Variants in RBMS3 observed in about 807,000 individuals in gnomAD.
The protein encoded by RBMS3 is RNA binding motif single stranded interacting protein 3.
A neutral mutation model predicts 66.8 loss-of-function variants in RBMS3; 27 were observed. The ratio of observed to expected loss-of-function variants is 0.40; its 90% confidence interval spans 0.30 to 0.56. The LOEUF is 0.56. RBMS3 is among the 20% of genes least tolerant of loss of function. The probability of loss-of-function intolerance (pLI) is 0.40; values close to 1 mark genes in which losing one functional copy is unlikely to be tolerated. For synonymous variants in RBMS3, 188 were observed against 183.0 expected, an observed-to-expected ratio of 1.03 and a Z score of -0.22; for missense variants, 513 against 549.5, an observed-to-expected ratio of 0.93 and a Z score of 0.66.
chr3:29,340,310 A>T (rs1381918833), intron 1 of RBMS3, among the ~76,000 whole-genome samples: 1 of 152,146 alleles, frequency 6.6e-6, no homozygotes, highest in Non-Finnish European at 1.5e-5. Flanking sequence ...TTTCATGCCC[A>T]TGAAGCTGGC....
At chr3:29,832,472 G>T (rs991516855) in intron 6 of RBMS3, among the ~76,000 whole-genome samples, 3 of 149,490 alleles carry the variant, frequency 2.0e-5, no homozygotes, top group Non-Finnish European at 4.5e-5. Context: ...GGAGCAAAAG[G>T]TATCCAAGGA....
rs538437699 is a variant in RBMS3, at chr3:29,498,925, T to C, written c.307+10426T>C. ...TTAGCTTCGTTAATAGCAAAAAGTATAAGTACTTAAAGGATGTCTTAAAGG... is the reference window on the plus strand; with the variant it reads ...TTAGCTTCGTTAATAGCAAAAAGTACAAGTACTTAAAGGATGTCTTAAAGG... On this transcript the variant is annotated intron_variant, in intron 3 of 14. Coordinates refer to ENST00000383767, the MANE Select transcript of RBMS3 (RefSeq NM_001003793.3). Among the ~76,000 whole-genome samples the C allele has an allele frequency of 1.1e-4, 17 of 152,322 alleles. No homozygotes were observed. The South Asian group carries it at 3.5e-3, about 32-fold the overall frequency.
chr3:29,798,345 GGAGGA>G (rs1433771305), intron 6 of RBMS3, among the ~76,000 whole-genome samples: 1 of 94,322 alleles, frequency 1.1e-5, no homozygotes, highest in African/African-American at 4.1e-5. Flanking sequence ...GGAGGGGAGG[GGAGGA>G]GAGGGGAGGG....
intron 4 of RBMS3, among the ~76,000 whole-genome samples, chr3:29,597,954 G>A: frequency 6.6e-6 from 1 of 152,048 alleles, no homozygotes; most frequent in Non-Finnish European, 1.5e-5. Flanking sequence ...GTTGCTTGAT[G>A]AGACCAGCAC....
intron 6 of RBMS3, among the ~76,000 whole-genome samples, chr3:29,833,088 G>T (rs1362256171): frequency 6.6e-6 from 1 of 152,138 alleles, no homozygotes; most frequent in African/African-American, 2.4e-5. Context: ...CTCCCTAAGA[G>T]GGAACAAGTG....
intron 6 of RBMS3, among the ~76,000 whole-genome samples, chr3:29,858,413 G>A (rs896535642): frequency 6.6e-6 from 1 of 152,204 alleles, no homozygotes; most frequent in African/African-American, 2.4e-5. Flanking sequence ...GGCAGGATCA[G>A]AAACAGTTCA....
intron 4 of RBMS3, among the ~76,000 whole-genome samples, chr3:29,695,654 ACT>A (rs1331431009): frequency 6.6e-6 from 1 of 151,986 alleles, no homozygotes; most frequent in African/African-American, 2.4e-5. Context: ...ACCATTGTGA[ACT>A]CTCAGAGTAG....
intron 1 of RBMS3, among the ~76,000 whole-genome samples, chr3:29,413,425 C>CATACACAT (rs1553599307): frequency 1.1e-4 from 16 of 148,522 alleles, no homozygotes; most frequent in African/African-American, 3.7e-4. Context: ...TACATACATA[C>CATACACAT]ACAGAGTTGC....
At chr3:29,974,823 A>G (rs1697453266) in intron 12 of RBMS3, among the ~76,000 whole-genome samples, 1 of 128,982 alleles carries the variant, frequency 7.8e-6, no homozygotes, top group African/African-American at 3.0e-5. Context: ...TATATATAAA[A>G]TACGTTTATA....
At chr3:29,478,179 G>A (rs2043013749) in intron 2 of RBMS3, among the ~76,000 whole-genome samples, 1 of 152,206 alleles carries the variant, frequency 6.6e-6, no homozygotes, top group Admixed American at 6.5e-5. Context: ...TATGTGGTTT[G>A]GAACTGTGCT....
chr3:29,835,481 A>G (rs1056262970), intron 6 of RBMS3, among the ~76,000 whole-genome samples: 5 of 152,018 alleles, frequency 3.3e-5, no homozygotes, highest in Non-Finnish European at 5.9e-5. Flanking sequence ...CAGGAAGTAT[A>G]CTGGAAAATT....
chr3:29,500,201 A>G (rs910317420), intron 3 of RBMS3, among the ~76,000 whole-genome samples: 1 of 151,618 alleles, frequency 6.6e-6, no homozygotes, highest in Non-Finnish European at 1.5e-5. Flanking sequence ...CGAGGGGTTC[A>G]AAGTGAGAAA....
At chr3:29,398,335 A>G (rs1003583345) in intron 1 of RBMS3, among the ~76,000 whole-genome samples, 8 of 152,064 alleles carry the variant, frequency 5.3e-5, no homozygotes, top group African/African-American at 1.9e-4. Flanking sequence ...TTGACTAGGG[A>G]GCAGGATGGA....
intron 7 of RBMS3, among the ~76,000 whole-genome samples, chr3:29,880,435 C>T (rs2059709951): frequency 6.6e-6 from 1 of 152,040 alleles, no homozygotes; most frequent in Non-Finnish European, 1.5e-5. Context: ...TGTAAACATG[C>T]CATAATATTT....
At chr3:29,940,489 G>A (rs980150465) in intron 11 of RBMS3, among the ~76,000 whole-genome samples, 2 of 151,894 alleles carry the variant, frequency 1.3e-5, no homozygotes, top group African/African-American at 4.8e-5. Flanking sequence ...GCTGACGGAA[G>A]TTGTAGCTAT....
chr3:29,307,458 G>C (rs567766723), intron 1 of RBMS3, among the ~76,000 whole-genome samples: 2 of 151,852 alleles, frequency 1.3e-5, no homozygotes, highest in African/African-American at 4.8e-5. Flanking sequence ...GCTATACATA[G>C]TGGTCTGTTT....
intron 1 of RBMS3, among the ~76,000 whole-genome samples, chr3:29,326,063 T>C (rs549916265): frequency 6.6e-6 from 1 of 152,278 alleles, no homozygotes; most frequent in Non-Finnish European, 1.5e-5. Flanking sequence ...ACCACTGAGA[T>C]TATGGTGTTT....
At chr3:29,573,666 G>T (rs531037702) in intron 3 of RBMS3, among the ~76,000 whole-genome samples, 1 of 151,724 alleles carries the variant, frequency 6.6e-6, no homozygotes, top group Non-Finnish European at 1.5e-5. Flanking sequence ...TTCTTTATTT[G>T]AATTTTTTCT....
chr3:29,500,407 AG>A (rs2043923209), intron 3 of RBMS3, among the ~76,000 whole-genome samples: 1 of 149,002 alleles, frequency 6.7e-6, no homozygotes, highest in Non-Finnish European at 1.5e-5. Context: ...AATAACTCCA[AG>A]TGAAATATAA....
Sources: gnomAD v4.1 joint callset for allele counts (sites outside exome capture counted in the v4.1 genomes callset) on GRCh38, gnomAD v4.1.1 for gene constraint, MANE v1.5 for transcripts, NCBI Gene and HGNC (gene_info 2026-07-23, HGNC 2026-07-21) for gene names.